Variants in CCSER1 observed in about 807,000 individuals in gnomAD.
CCSER1 encodes the protein coiled-coil serine rich protein 1, also known as serine-rich coiled-coil domain-containing protein 1.
Under a neutral mutation model 82.0 loss-of-function variants are expected in CCSER1, and 41 were observed. The ratio of observed to expected loss-of-function variants is 0.50; its 90% CI spans 0.39 to 0.65. CCSER1 has a LOEUF of 0.65. Ranked by LOEUF, CCSER1 falls within the 30% of genes least tolerant of loss-of-function variation. CCSER1 has a pLI of 0.00. For synonymous variants in CCSER1, 414 were observed against 383.9 expected (o/e 1.08, Z -0.92); for missense variants, 1,119 against 1,064.2 (o/e 1.05, Z -0.72).
chr4:91,099,224 T>C (rs1561547716), intron 10 of CCSER1, among the ~76,000 whole-genome samples: 2 of 152,188 alleles, frequency 1.3e-5, no homozygotes, highest in Non-Finnish European at 2.9e-5. Context: ...TATAGTTTAG[T>C]AGAATAAGAA....
chr4:90,779,009 C>G (rs921237104), intron 7 of CCSER1, among the ~76,000 whole-genome samples: 2 of 152,132 alleles, frequency 1.3e-5, no homozygotes, highest in African/African-American at 2.4e-5. Flanking sequence ...CTCACTTCCT[C>G]TCTTCCAACC....
intron 10 of CCSER1, among the ~76,000 whole-genome samples, chr4:91,245,680 C>A (rs186928957): frequency 1.6e-3 from 249 of 152,108 alleles, no homozygotes; most frequent in African/African-American, 5.6e-3. Context: ...ACTATATATA[C>A]ACGTGTATAT....
rs917272980 is a variant in CCSER1 at position 90,934,216 on chromosome 4, CT to C, written c.2172+10770del. On this transcript the variant is annotated intron_variant, in intron 9 of 10. Coordinates refer to ENST00000509176, the MANE Select transcript of CCSER1 (RefSeq NM_001145065.2). ...GGACAAAGACAAATGCAAAAAACAT[CT>C]AAAACTTCAATCAGAAACAAAATTA... is the stretch of plus-strand genomic sequence containing the variant. 6.7e-4 allele frequency among the ~76,000 whole-genome samples: 102 copies of C among 152,090 alleles called. 1 individual carries two copies. The highest frequency in any genetic ancestry group is 2.3e-3 in the African/African-American group (94 of 41,518).
chr4:91,257,175 A>G (rs2149159346), intron 10 of CCSER1, among the ~76,000 whole-genome samples: 1 of 152,262 alleles, frequency 6.6e-6, no homozygotes, highest in African/African-American at 2.4e-5. Context: ...GAATAAGAAA[A>G]TGTATTAGCA....
At chr4:90,258,273 G>T (rs1363082681) in intron 1 of CCSER1, among the ~76,000 whole-genome samples, 1 of 152,124 alleles carries the variant, frequency 6.6e-6, no homozygotes, top group African/African-American at 2.4e-5. Context: ...CCAGCACTTT[G>T]GGAGGCCGCG....
intron 10 of CCSER1, among the ~76,000 whole-genome samples, chr4:91,268,178 TA>T (rs1400664982): frequency 6.6e-6 from 1 of 152,220 alleles, no homozygotes; most frequent in African/African-American, 2.4e-5. Context: ...AAATTTCTAC[TA>T]TGTGTATAAC....
intron 10 of CCSER1, among the ~76,000 whole-genome samples, chr4:91,166,201 T>C (rs1732047869): frequency 6.6e-6 from 1 of 152,226 alleles, no homozygotes; most frequent in Admixed American, 6.5e-5. Context: ...TGATAAATGA[T>C]ATTTCAAGAG....
intron 6 of CCSER1, among the ~76,000 whole-genome samples, chr4:90,714,126 GC>G (rs772824244): frequency 1.3e-5 from 2 of 151,354 alleles, no homozygotes; most frequent in Non-Finnish European, 3.0e-5. Context: ...CTTCTATTCG[GC>G]CATCTTGGAT....
At chr4:91,189,735 A>C (rs1447883137) in intron 10 of CCSER1, among the ~76,000 whole-genome samples, 1 of 152,096 alleles carries the variant, frequency 6.6e-6, no homozygotes, top group African/African-American at 2.4e-5. Context: ...ATATAAAGGC[A>C]TATATATTAC....
At chr4:90,633,513 T>A (rs1724846585) in intron 6 of CCSER1, among the ~76,000 whole-genome samples, 1 of 151,970 alleles carries the variant, frequency 6.6e-6, no homozygotes, top group Admixed American at 6.6e-5. Context: ...TAAAATTATC[T>A]GCTAAATCTT....
intron 5 of CCSER1, among the ~76,000 whole-genome samples, chr4:90,615,852 C>G (rs1426307480): frequency 6.6e-6 from 1 of 152,032 alleles, no homozygotes; most frequent in Non-Finnish European, 1.5e-5. Context: ...TAAAATGCTA[C>G]CAAATGGAAT....
intron 3 of CCSER1, among the ~76,000 whole-genome samples, chr4:90,389,475 A>G (rs1031178704): frequency 2.0e-5 from 3 of 152,250 alleles, no homozygotes; most frequent in African/African-American, 7.2e-5. Flanking sequence ...GCTGTTCTTC[A>G]TCAAAATAGT....
At chr4:91,011,034 T>C (rs1382073538) in intron 9 of CCSER1, among the ~76,000 whole-genome samples, 2 of 134,674 alleles carry the variant, frequency 1.5e-5, no homozygotes, top group African/African-American at 2.5e-5. Flanking sequence ...GTCTGGAAAT[T>C]ACTTCTTCCA....
chr4:91,275,288 C>A (rs1326181867), intron 10 of CCSER1, among the ~76,000 whole-genome samples: 6 of 150,730 alleles, frequency 4.0e-5, no homozygotes, highest in Admixed American at 4.0e-4. Flanking sequence ...TGCATCCTTG[C>A]CAGCATCTGT....
intron 10 of CCSER1, among the ~76,000 whole-genome samples, chr4:91,522,449 T>C (rs1376815531): frequency 2.0e-5 from 3 of 152,206 alleles, no homozygotes; most frequent in East Asian, 1.9e-4. Context: ...ACTGAATCTA[T>C]AAATTACCTT....
intron 5 of CCSER1, among the ~76,000 whole-genome samples, chr4:90,599,130 C>T (rs1314262017): frequency 6.6e-6 from 1 of 152,070 alleles, no homozygotes; most frequent in African/African-American, 2.4e-5. Context: ...GTAAAGACTG[C>T]AGGATCCTCC....
chr4:91,250,263 G>A (rs944559398), intron 10 of CCSER1, among the ~76,000 whole-genome samples: 1 of 151,670 alleles, frequency 6.6e-6, no homozygotes, highest in Non-Finnish European at 1.5e-5. Flanking sequence ...TGTTTTAAAT[G>A]GATTGGATTT....
chr4:90,313,335 C>A (rs1300290974), intron 3 of CCSER1, among the ~76,000 whole-genome samples: 1 of 152,146 alleles, frequency 6.6e-6, no homozygotes, highest in African/African-American at 2.4e-5. Flanking sequence ...AGGGAAAATG[C>A]TGAACATGAG....
At chr4:91,035,829 G>C (rs1741385756) in intron 9 of CCSER1, among the ~76,000 whole-genome samples, 1 of 152,210 alleles carries the variant, frequency 6.6e-6, no homozygotes, top group East Asian at 1.9e-4. Context: ...CCAAACTGCT[G>C]ATTACAACTC....
Sources: allele counts gnomAD v4.1 joint callset (sites outside exome capture counted in the v4.1 genomes callset), GRCh38; gene constraint gnomAD v4.1.1; transcripts MANE v1.5; gene names NCBI Gene and HGNC (gene_info 2026-07-23, HGNC 2026-07-21).